The following SPAG16 variants were observed in gnomAD, a reference collection of about 807,000 sequenced individuals.
SPAG16 encodes the protein sperm associated antigen 16.
In SPAG16, 86 loss-of-function variants were observed where a neutral mutation model predicts 80.4. That is an observed-to-expected ratio of 1.07 (90% CI 0.90 to 1.28). The LOEUF (loss-of-function observed/expected upper bound fraction) is 1.28, where lower values mean the gene tolerates loss of function less well. Ranked by LOEUF, SPAG16 falls within the 50% of genes most tolerant of loss-of-function variation. SPAG16 has a pLI of 0.00. For synonymous variants in SPAG16, 294 were observed against 265.9 expected (o/e 1.11, Z -1.03); for missense variants, 870 against 765.3 (o/e 1.14, Z -1.61).
At chr2:214,125,851 G>A (rs1397326212) in intron 14 of SPAG16, among the ~76,000 whole-genome samples, 1 of 151,444 alleles carries the variant, frequency 6.6e-6, no homozygotes, top group Non-Finnish European at 1.5e-5. Flanking sequence ...AAACTTAAAA[G>A]ACCCGGGGAA....
At chr2:213,699,907 T>C (rs113011869) in intron 10 of SPAG16, among the ~76,000 whole-genome samples, 173 of 152,348 alleles carry the variant, frequency 1.1e-3, no homozygotes, top group Non-Finnish European at 2.0e-3. Context: ...TGTGTGAGTC[T>C]GATAGGACAG....
intron 13 of SPAG16, among the ~76,000 whole-genome samples, chr2:214,077,946 C>G (rs1431669697): frequency 6.6e-6 from 1 of 152,198 alleles, no homozygotes; most frequent in Non-Finnish European, 1.5e-5. Flanking sequence ...CCTCACTTCT[C>G]TTTCTCTCAT....
chr2:213,729,623 AC>A (rs2066936774), intron 10 of SPAG16, among the ~76,000 whole-genome samples: 1 of 152,174 alleles, frequency 6.6e-6, no homozygotes, highest in Non-Finnish European at 1.5e-5. Context: ...ACAGAGCCTA[AC>A]TACATCTGTC....
At chr2:213,884,980 T>A (rs987097483) in intron 11 of SPAG16, among the ~76,000 whole-genome samples, 4 of 152,236 alleles carry the variant, frequency 2.6e-5, no homozygotes, top group Non-Finnish European at 5.9e-5. Context: ...TCCTTGTTTG[T>A]CACTTCAGTC....
rs967804924 is a variant in SPAG16 at position 213,670,825 on chromosome 2, C to T, written c.1070+180735C>T. ...CTTAGTTTTTGAATTTCTCAAATGC[C>T]GCATATATCAGTAAGCAAAATAAAG... On this transcript the variant is annotated intron_variant, in intron 10 of 15. Transcript: ENST00000331683. 4.6e-5 allele frequency among the ~76,000 whole-genome samples: 7 copies of T among 151,984 alleles called. 1 individual carries two copies. The South Asian group carries it at 6.2e-4, about 14-fold the overall frequency.
chr2:213,894,271 T>A (rs1319568125), intron 11 of SPAG16, among the ~76,000 whole-genome samples: 1 of 152,070 alleles, frequency 6.6e-6, no homozygotes, highest in Non-Finnish European at 1.5e-5. Context: ...ATCTCAGGAG[T>A]GCAAGGATGG....
chr2:213,867,923 CAACAAAAAAAA>C (rs1270574054), intron 11 of SPAG16, among the ~76,000 whole-genome samples: 6 of 55,366 alleles, frequency 1.1e-4, no homozygotes, highest in African/African-American at 4.0e-4. Context: ...GACTCTGTCT[CAACAAAAAAAA>C]AAAAAAAAAA....
At chr2:213,302,507 TC>T (rs752959804) in intron 3 of SPAG16, 11 of 152,168 alleles carry the variant, frequency 7.2e-5, no homozygotes, top group Non-Finnish European at 1.3e-4. Flanking sequence ...CATGTTTAAT[TC>T]CCAGCACCTT....
intron 11 of SPAG16, among the ~76,000 whole-genome samples, chr2:213,928,241 T>A (rs1042402396): frequency 6.7e-6 from 1 of 149,150 alleles, no homozygotes; most frequent in Non-Finnish European, 1.5e-5. Flanking sequence ...CACGCCACCA[T>A]GCCTGGCTAA....
intron 10 of SPAG16, among the ~76,000 whole-genome samples, chr2:213,721,516 A>G (rs1413656189): frequency 6.6e-6 from 1 of 152,210 alleles, no homozygotes; most frequent in African/African-American, 2.4e-5. Context: ...TATAGATGTA[A>G]TTGACAAATT....
chr2:213,422,497 T>C (rs985600734), intron 9 of SPAG16: 1 of 551,328 alleles, frequency 1.8e-6, no homozygotes, highest in Non-Finnish European at 3.3e-6. Flanking sequence ...ATCTGGGCTG[T>C]AGCAAGAGCT....
intron 10 of SPAG16, among the ~76,000 whole-genome samples, chr2:213,807,730 A>G (rs2071859697): frequency 1.3e-5 from 2 of 152,208 alleles, no homozygotes; most frequent in South Asian, 4.1e-4. Context: ...GGGCAGTAAT[A>G]ACTATATAGT....
chr2:214,203,355 G>A (rs764311113), intron 15 of SPAG16, among the ~76,000 whole-genome samples: 5 of 152,162 alleles, frequency 3.3e-5, no homozygotes, highest in Non-Finnish European at 7.3e-5. Context: ...AGTGGATAGA[G>A]CAGCATGTGG....
rs1293656132 is a variant in SPAG16 at position 214,389,328 on chromosome 2, C to T, written c.1721-20812C>T. 5.9e-5 allele frequency among the ~76,000 whole-genome samples: 9 copies of T among 152,276 alleles called. No individual in the cohort carries two copies. The South Asian group carries it at 6.2e-4, about 11-fold the overall frequency. On this transcript the variant is annotated intron_variant, in intron 15 of 15. Transcript: ENST00000331683. ...TTCTACCAAAATTTGTGCAATCTAA[C>T]GTGTGTGACAGAGTTGTGCCAACAG...
chr2:213,317,132 T>C, intron 4 of SPAG16, 87 bp from the exon 5 acceptor site: 1 of 761,690 alleles, frequency 1.3e-6, no homozygotes, highest in South Asian at 2.4e-5. Flanking sequence ...TAACACTCCC[T>C]GAGACTTAAC....
intron 15 of SPAG16, among the ~76,000 whole-genome samples, chr2:214,363,760 G>A (rs1699318247): frequency 6.6e-6 from 1 of 152,026 alleles, no homozygotes; most frequent in South Asian, 2.1e-4. Context: ...TACAAAGACC[G>A]AAGGTAATAG....
chr2:213,550,367 A>C (rs912013177), intron 10 of SPAG16, among the ~76,000 whole-genome samples: 2 of 152,078 alleles, frequency 1.3e-5, no homozygotes, highest in African/African-American at 4.8e-5. Flanking sequence ...TATTCAAATT[A>C]TGCGCTTTTA....
chr2:213,755,231 A>G (rs778993884), intron 10 of SPAG16, among the ~76,000 whole-genome samples: 1 of 152,236 alleles, frequency 6.6e-6, no homozygotes, highest in African/African-American at 2.4e-5. Context: ...TTATCAATCC[A>G]TGCATCACAG....
At chr2:214,211,538 C>T (rs953030882) in intron 15 of SPAG16, among the ~76,000 whole-genome samples, 18 of 152,152 alleles carry the variant, frequency 1.2e-4, no homozygotes, top group African/African-American at 4.1e-4. Flanking sequence ...GGTCTTACAT[C>T]TTTTGGAAAA....
Sources: allele counts gnomAD v4.1 joint callset (sites outside exome capture counted in the v4.1 genomes callset), GRCh38; gene constraint gnomAD v4.1.1; transcripts MANE v1.5; gene names NCBI Gene and HGNC (gene_info 2026-07-23, HGNC 2026-07-21).